Variants in CLYBL observed in about 807,000 individuals in gnomAD.
The protein encoded by CLYBL is citramalyl-CoA lyase, mitochondrial.
CLYBL carries 31 observed loss-of-function variants against 38.9 expected under a neutral mutation model. The ratio of observed to expected loss-of-function variants is 0.80; its 90% CI spans 0.60 to 1.08. The LOEUF (loss-of-function observed/expected upper bound fraction) is 1.08, where lower values mean the gene tolerates loss of function less well. CLYBL is among the 50% of genes least tolerant of loss of function. The pLI is 0.00. For missense variants in CLYBL, 434 were observed against 411.6 expected (o/e 1.05, Z -0.47); for synonymous variants, 171 against 158.6 (o/e 1.08, Z -0.59).
intron 2 of CLYBL, among the ~76,000 whole-genome samples, chr13:99,815,601 A>G (rs2050429358): frequency 6.6e-6 from 1 of 152,090 alleles, no homozygotes; most frequent in South Asian, 2.1e-4. Context: ...TAAATAAAAA[A>G]TTGGCCAGGC....
chr13:99,858,989 C>T lies in CLYBL; in HGVS notation c.378C>T (p.Ser126=), dbSNP rs1221877547. The T allele has an allele frequency of 1.2e-6, 2 of 1,614,014 alleles. No homozygotes were observed. Among genetic ancestry groups the T allele is most frequent in the African/African-American group, 2.7e-5 (2 of 75,004 alleles). The change falls in exon 3 of 9, where the codon TCC becomes TCT. Residue 126 remains serine, a synonymous_variant. Coordinates refer to ENST00000339105, the MANE Select transcript of CLYBL (RefSeq NM_206808.5). Reference sequence around the variant, plus strand: ...AAGACCTAGAGACCCTTTTGCAATCCCGGGTCCTTCCTTCCAGCCTGATGC... The same window carrying T: ...AAGACCTAGAGACCCTTTTGCAATCTCGGGTCCTTCCTTCCAGCCTGATGC... The part of the protein sequence containing the change: ...AEEDLETLLQ[S]RVLPSSLMLP...
At chr13:99,698,157 C>T (rs936369767) in intron 1 of CLYBL, among the ~76,000 whole-genome samples, 2 of 151,602 alleles carry the variant, frequency 1.3e-5, no homozygotes, top group East Asian at 1.9e-4. Flanking sequence ...ATTTTGAAGA[C>T]GTTTTGCCAT....
intron 1 of CLYBL, among the ~76,000 whole-genome samples, chr13:99,734,374 G>A (rs570498317): frequency 5.3e-5 from 8 of 151,928 alleles, no homozygotes; most frequent in Non-Finnish European, 8.8e-5. Context: ...CAGCATAGGG[G>A]GAATAAGAAA....
chr13:99,838,906 T>G (rs1253745390), intron 2 of CLYBL, among the ~76,000 whole-genome samples: 2 of 152,244 alleles, frequency 1.3e-5, no homozygotes, highest in Non-Finnish European at 2.9e-5. Flanking sequence ...CCCAAAGTGC[T>G]GGGATTACAG....
At chr13:99,813,733 G>A (rs1215432906) in intron 2 of CLYBL, among the ~76,000 whole-genome samples, 2 of 152,144 alleles carry the variant, frequency 1.3e-5, no homozygotes, top group South Asian at 2.1e-4. Flanking sequence ...AATGCTTAAC[G>A]TAATGCCTGA....
chr13:99,900,962 C>G (rs1461039181), downstream of CLYBL, among the ~76,000 whole-genome samples: 4 of 152,222 alleles, frequency 2.6e-5, no homozygotes, highest in East Asian at 7.7e-4. Context: ...TGTCCCCCGG[C>G]CCCTGTAGGT....
At chr13:99,797,108 G>A (rs191976591) in intron 2 of CLYBL, among the ~76,000 whole-genome samples, 1 of 152,242 alleles carries the variant, frequency 6.6e-6, no homozygotes, top group Admixed American at 6.5e-5. Context: ...AGAAATTATA[G>A]TCCCTTTTTA....
chr13:99,681,547 G>C (rs890661719), intron 1 of CLYBL, among the ~76,000 whole-genome samples: 2 of 152,036 alleles, frequency 1.3e-5, no homozygotes, highest in Non-Finnish European at 2.9e-5. Flanking sequence ...GGTAAGACTG[G>C]GTAAGGAGAA....
rs544569437 is a variant in CLYBL, at chr13:99,658,379, G to A, written c.62+51622G>A. The stretch of plus-strand genomic sequence containing the variant: ...CGCGGACTGGGTGACAAGTCTTCCA[G>A]GCTCCCAGAAAGTTTCTGCTGCAAA... On this transcript the variant is annotated intron_variant, in intron 1 of 8. Transcript: ENST00000339105. 5.0e-3 allele frequency among the ~76,000 whole-genome samples: 761 copies of A among 152,352 alleles called. 11 individuals are homozygous for A. The highest frequency in any genetic ancestry group is 7.1e-3 in the Non-Finnish European group (483 of 68,036).
chr13:99,903,424 GCA>G (rs896597018), intron 8 of CLYBL, among the ~76,000 whole-genome samples: 1 of 151,740 alleles, frequency 6.6e-6, no homozygotes, highest in African/African-American at 2.4e-5. Context: ...ACTCGCACAC[GCA>G]CACACACATG....
At chr13:99,658,409 A>C (rs1043889214) in intron 1 of CLYBL, among the ~76,000 whole-genome samples, 9 of 152,250 alleles carry the variant, frequency 5.9e-5, no homozygotes, top group African/African-American at 2.2e-4. Flanking sequence ...TGCAAAGCGC[A>C]GGGTCCGCCT....
rs2049852532 is a variant in CLYBL at position 99,788,718 on chromosome 13, A to G, written c.249+15708A>G. Reference sequence around the variant, plus strand: ...TATCAGGATGATGCTGGCCTCATAAAATGAGTTAGGGAGGATTCTCTCTTT... The same window carrying G: ...TATCAGGATGATGCTGGCCTCATAAGATGAGTTAGGGAGGATTCTCTCTTT... On this transcript the variant is annotated intron_variant, in intron 2 of 8. Transcript: ENST00000339105. Among the ~76,000 whole-genome samples the G allele has an allele frequency of 2.0e-5, 3 of 152,158 alleles. No individual in the cohort carries two copies. The South Asian group carries it at 6.2e-4, about 32-fold the overall frequency.
intron 2 of CLYBL, among the ~76,000 whole-genome samples, chr13:99,845,610 A>C (rs2051182901): frequency 6.6e-6 from 1 of 152,124 alleles, no homozygotes. Flanking sequence ...TTAATTATAG[A>C]AGATCGGAAG....
intron 2 of CLYBL, among the ~76,000 whole-genome samples, chr13:99,801,977 T>C (rs1266669237): frequency 1.3e-5 from 2 of 152,004 alleles, no homozygotes; most frequent in Non-Finnish European, 2.9e-5. Context: ...GATAGCACCA[T>C]TGCACTCCAG....
chr13:99,671,050 G>A (rs985882472), intron 1 of CLYBL, among the ~76,000 whole-genome samples: 1 of 152,076 alleles, frequency 6.6e-6, no homozygotes, highest in Non-Finnish European at 1.5e-5. Context: ...ATGACACACC[G>A]GTCTCCTTTC....
intron 1 of CLYBL, among the ~76,000 whole-genome samples, chr13:99,700,849 C>T (rs1256293361): frequency 6.6e-6 from 1 of 152,218 alleles, no homozygotes; most frequent in Admixed American, 6.5e-5. Flanking sequence ...TATATGCTGT[C>T]TCTCTGAACA....
chr13:99,712,553 G>T (rs2048252420), intron 1 of CLYBL, among the ~76,000 whole-genome samples: 1 of 151,286 alleles, frequency 6.6e-6, no homozygotes, highest in Non-Finnish European at 1.5e-5. Flanking sequence ...TTGCCACATT[G>T]CCCAGGTTGG....
At chr13:99,794,732 C>T (rs2049988679) in intron 2 of CLYBL, among the ~76,000 whole-genome samples, 1 of 151,820 alleles carries the variant, frequency 6.6e-6, no homozygotes, top group African/African-American at 2.4e-5. Flanking sequence ...GTTGGGATTA[C>T]AGGCATGTGC....
chr13:99,885,060 A>G (rs1373572237), intron 7 of CLYBL: 1 of 529,320 alleles, frequency 1.9e-6, no homozygotes, highest in Admixed American at 2.0e-5. Context: ...TCTCCCGTGT[A>G]CCTGGCAGGT....
Sources: allele counts gnomAD v4.1 joint callset (sites outside exome capture counted in the v4.1 genomes callset), GRCh38; gene constraint gnomAD v4.1.1; transcripts MANE v1.5; gene names NCBI Gene and HGNC (gene_info 2026-07-23, HGNC 2026-07-21).